Variants in SLC35F4 observed in about 807,000 individuals in gnomAD.
SLC35F4 encodes the protein solute carrier family 35 member F4.
Under a neutral mutation model 44.2 loss-of-function variants are expected in SLC35F4, and 24 were observed. That is an observed-to-expected ratio of 0.54 (90% CI 0.39 to 0.76). SLC35F4 has a LOEUF of 0.76. Ranked by LOEUF, SLC35F4 falls within the 30% of genes least tolerant of loss-of-function variation. SLC35F4 has a pLI of 0.00. For synonymous variants in SLC35F4, 238 were observed against 223.6 expected, an observed-to-expected ratio of 1.06 and a Z score of -0.57; for missense variants, 562 against 586.1, an observed-to-expected ratio of 0.96 and a Z score of 0.42.
chr14:57,598,440 G>A (rs1258491982), intron 1 of SLC35F4, among the ~76,000 whole-genome samples: 6 of 152,300 alleles, frequency 3.9e-5, no homozygotes, highest in East Asian at 1.9e-4. Flanking sequence ...ACTTCAAAGC[G>A]AAAAGGGAAA....
At chr14:57,871,287 C>A (rs1344112680) in intron 1 of SLC35F4, among the ~76,000 whole-genome samples, 1 of 152,178 alleles carries the variant, frequency 6.6e-6, no homozygotes, top group African/African-American at 2.4e-5. Context: ...TGATGCTGAG[C>A]TAAGCCAAAG....
At chr14:57,612,227 G>C (rs994827962) in intron 1 of SLC35F4, among the ~76,000 whole-genome samples, 1 of 152,088 alleles carries the variant, frequency 6.6e-6, no homozygotes, top group Non-Finnish European at 1.5e-5. Flanking sequence ...CTCCAGCCTG[G>C]ACAACAGAGT....
intron 1 of SLC35F4, among the ~76,000 whole-genome samples, chr14:57,617,235 A>G (rs2071891568): frequency 7.1e-6 from 1 of 140,576 alleles, no homozygotes; most frequent in Non-Finnish European, 1.5e-5. Context: ...GGTTCATGCC[A>G]TTCTCCTGCC....
intron 1 of SLC35F4, among the ~76,000 whole-genome samples, chr14:57,690,477 C>T (rs1278793370): frequency 6.6e-6 from 1 of 151,956 alleles, no homozygotes; most frequent in Non-Finnish European, 1.5e-5. Flanking sequence ...CCAGCAGTCC[C>T]CAATCTTTTT....
intron 1 of SLC35F4, among the ~76,000 whole-genome samples, chr14:57,845,531 G>C (rs372766395): frequency 2.0e-5 from 3 of 152,146 alleles, no homozygotes; most frequent in Non-Finnish European, 1.5e-5. Context: ...AACAATTCAG[G>C]CTTACATTGG....
chr14:57,978,114 C>T (rs10139116), intron 1 of SLC35F4, among the ~76,000 whole-genome samples: 2,348 of 152,228 alleles, frequency 0.015, 68 homozygotes, highest in African/African-American at 0.054. Flanking sequence ...GAGACATGCT[C>T]TTTGCTGGGA....
chr14:57,766,581 A>G (rs764388646), intron 1 of SLC35F4, among the ~76,000 whole-genome samples: 4 of 152,224 alleles, frequency 2.6e-5, no homozygotes, highest in Non-Finnish European at 4.4e-5. Flanking sequence ...ACTGGGGGAC[A>G]TTTGTGAGCA....
intron 1 of SLC35F4, among the ~76,000 whole-genome samples, chr14:57,876,043 GCAA>G (rs992560016): frequency 6.6e-6 from 1 of 152,152 alleles, no homozygotes; most frequent in Admixed American, 6.6e-5. Flanking sequence ...AAGGTTACCT[GCAA>G]CAACGAGATT....
rs137932442 is a variant in SLC35F4, at chr14:57,778,742, T to TAA, written c.103+86979_103+86980dup. ...AGATATAAAACAATGCTCAGCAAAT[T>TAA]AAAAAAAAAACAAAATTATACCAAG... On this transcript the variant is annotated intron_variant, in intron 1 of 7. Transcript: ENST00000556826. Among the ~76,000 whole-genome samples the TAA allele has an allele frequency of 1.1e-4, 16 of 147,068 alleles. No individual in the cohort carries two copies. The East Asian group carries it at 3.2e-3, about 29-fold the overall frequency.
chr14:57,825,395 C>A (rs574283691), intron 1 of SLC35F4, among the ~76,000 whole-genome samples: 1 of 152,192 alleles, frequency 6.6e-6, no homozygotes, highest in East Asian at 1.9e-4. Flanking sequence ...GACTAATAAA[C>A]AGGATACCTT....
chr14:57,581,387 A>G lies in SLC35F4; in HGVS notation c.634T>C (p.Phe212Leu). 1.2e-6 allele frequency: 2 copies of G among 1,613,038 alleles called. No homozygotes were observed. The highest frequency in any genetic ancestry group is 1.7e-6 in the Non-Finnish European group (2 of 1,179,510). The change falls in exon 4 of 8, where the codon TTT becomes CTT. Residue 212 changes from phenylalanine to leucine, a missense_variant. Physicochemically the swap from Phe to Leu is conservative, Grantham distance 22. Coordinates refer to ENST00000556826, the MANE Select transcript of SLC35F4 (RefSeq NM_001306087.2). ...GAAAAGGGAGCAGTTCTTTTAAGAAAGAGTTTCAGCGTCAGACCATCTTCA... is the reference window on the plus strand; with the variant it reads ...GAAAAGGGAGCAGTTCTTTTAAGAAGGAGTTTCAGCGTCAGACCATCTTCA... ...FGEDGLTLKL[F>L]LKRTAPFSIL...
intron 1 of SLC35F4, among the ~76,000 whole-genome samples, chr14:57,751,936 C>CTG (rs938695833): frequency 0.032 from 4,344 of 135,026 alleles, 222 homozygotes; most frequent in African/African-American, 0.11. Flanking sequence ...CTCTCTCTCT[C>CTG]TGTGTGTGTG....
At chr14:57,763,659 G>A (rs926212042) in intron 1 of SLC35F4, among the ~76,000 whole-genome samples, 13 of 152,158 alleles carry the variant, frequency 8.5e-5, no homozygotes, top group African/African-American at 3.1e-4. Context: ...TATCATTAAT[G>A]TTTATGCTTC....
intron 1 of SLC35F4, among the ~76,000 whole-genome samples, chr14:57,628,185 C>A (rs1309014950): frequency 1.3e-5 from 2 of 151,220 alleles, no homozygotes; most frequent in Non-Finnish European, 2.9e-5. Context: ...GCACATACAT[C>A]TTCCTATTTA....
chr14:57,753,311 A>G (rs966964329), intron 1 of SLC35F4, among the ~76,000 whole-genome samples: 8 of 152,182 alleles, frequency 5.3e-5, no homozygotes, highest in African/African-American at 1.9e-4. Flanking sequence ...CAGTGATTAG[A>G]TTCTCCTCTG....
chr14:57,897,760 A>G (rs1304119602), intron 1 of SLC35F4, among the ~76,000 whole-genome samples: 2 of 152,256 alleles, frequency 1.3e-5, no homozygotes, highest in Non-Finnish European at 2.9e-5. Context: ...AATTATCTCC[A>G]GAGAGCAGTT....
At chr14:57,759,215 A>G (rs2077065451) in intron 1 of SLC35F4, among the ~76,000 whole-genome samples, 1 of 152,176 alleles carries the variant, frequency 6.6e-6, no homozygotes, top group Non-Finnish European at 1.5e-5. Flanking sequence ...ATTCTTTGAT[A>G]TCCTTATTTC....
At chr14:57,865,069 C>T (rs1401834392) in intron 1 of SLC35F4, among the ~76,000 whole-genome samples, 6 of 143,604 alleles carry the variant, frequency 4.2e-5, no homozygotes, top group Non-Finnish European at 7.6e-5. Context: ...CCCCCCCCCC[C>T]CACGCCCCCA....
At chr14:57,909,230 AC>A (rs896477703) in intron 1 of SLC35F4, among the ~76,000 whole-genome samples, 12 of 151,994 alleles carry the variant, frequency 7.9e-5, no homozygotes, top group African/African-American at 2.9e-4. Context: ...CACTATCAGC[AC>A]CCCACCCCAT....
Sources: allele counts gnomAD v4.1 joint callset (sites outside exome capture counted in the v4.1 genomes callset), GRCh38; gene constraint gnomAD v4.1.1; transcripts MANE v1.5; gene names NCBI Gene and HGNC (gene_info 2026-07-23, HGNC 2026-07-21).